The following ROBO1 variants were observed in gnomAD, a reference collection of about 807,000 sequenced individuals.
ROBO1 encodes roundabout guidance receptor 1, also known as roundabout homolog 1.
A neutral mutation model predicts 195.9 loss-of-function variants in ROBO1; 149 were observed. That is an observed-to-expected ratio of 0.76 (90% CI 0.67 to 0.87). ROBO1 has a LOEUF of 0.87. Among genes scored for constraint, ROBO1 ranks in the 40% least tolerant of loss-of-function variants. The pLI is 0.00. For missense variants in ROBO1, 1,933 were observed against 2,068.3 expected (o/e 0.93, Z 1.27); for synonymous variants, 816 against 733.2 (o/e 1.11, Z -1.82).
Position 79,107,125 on chromosome 3 carries a change from T to TCACACA in ROBO1, c.172+18330_172+18331insTGTGTG, listed in dbSNP as rs1392293891. Among the ~76,000 whole-genome samples, 14 of 136,538 alleles carry TCACACA rather than the reference T, an allele frequency of 1.0e-4. No individual in the cohort carries two copies. In the East Asian group the frequency reaches 1.1e-3, roughly 10 times the overall value. The allele number at this position is 136,538 out of a possible 152,430, so 89.6% of individuals were successfully genotyped here. ...CTCTCTTTCTCTCTCTCTCTCTCTCTCTCACACACACACACACACACACAC... is the reference window on the plus strand; with the variant it reads ...CTCTCTTTCTCTCTCTCTCTCTCTCTCACACACTCACACACACACACACACACACAC... On this transcript the variant is annotated intron_variant, in intron 3 of 30. Coordinates refer to ENST00000464233, the MANE Select transcript of ROBO1 (RefSeq NM_002941.4).
chr3:78,808,239 C>T (rs1457679305), intron 4 of ROBO1, among the ~76,000 whole-genome samples: 1 of 152,088 alleles, frequency 6.6e-6, no homozygotes, highest in African/African-American at 2.4e-5. Context: ...GACTCTCGCT[C>T]GATTGCCCAG....
chr3:78,634,051 A>G lies in ROBO1; in HGVS notation c.3374-9T>C. The stretch of plus-strand genomic sequence containing the variant: ...GTCATTTGCTCGATAATCTAGACAT[A>G]TCAGATGAAAAAACAATAAACATTT... On this transcript the variant is annotated splice_polypyrimidine_tract_variant and intron_variant, in intron 23 of 30. Coordinates refer to ENST00000464233, the MANE Select transcript of ROBO1 (RefSeq NM_002941.4). The G allele has an allele frequency of 6.5e-7, 1 of 1,549,690 alleles. No homozygotes were observed. The highest frequency in any genetic ancestry group is 8.9e-7 in the Non-Finnish European group (1 of 1,128,656).
At chr3:79,103,312 G>C (rs1347568598) in intron 3 of ROBO1, among the ~76,000 whole-genome samples, 1 of 151,736 alleles carries the variant, frequency 6.6e-6, no homozygotes, top group Non-Finnish European at 1.5e-5. Flanking sequence ...TGAGCTACTG[G>C]TACATTCGTA....
intron 2 of ROBO1, among the ~76,000 whole-genome samples, chr3:79,575,174 AATAT>A (rs1228385684): frequency 8.3e-6 from 1 of 119,904 alleles, no homozygotes; most frequent in Admixed American, 9.0e-5. Context: ...AATATATATA[AATAT>A]ATATAACATA....
chr3:79,027,681 C>A (rs2078225184), intron 3 of ROBO1, among the ~76,000 whole-genome samples: 1 of 152,024 alleles, frequency 6.6e-6, no homozygotes, highest in Non-Finnish European at 1.5e-5. Context: ...TCTCTGACAT[C>A]CTGGCCACAT....
At chr3:78,947,222 T>A (rs974191301) in intron 3 of ROBO1, among the ~76,000 whole-genome samples, 6 of 152,108 alleles carry the variant, frequency 3.9e-5, no homozygotes, top group African/African-American at 1.2e-4. Flanking sequence ...GAATATACAT[T>A]CTTTTCAGCA....
At chr3:79,294,762 AAAC>A (rs1303885831) in intron 2 of ROBO1, among the ~76,000 whole-genome samples, 1 of 152,188 alleles carries the variant, frequency 6.6e-6, no homozygotes, top group African/African-American at 2.4e-5. Context: ...AGAAAAAAAC[AAAC>A]AACCCCTTCA....
At position 79,480,646 on chromosome 3, in the gene ROBO1, T is replaced by A. The variant is rs138114580; in HGVS notation, c.88+109178A>T. Among the ~76,000 whole-genome samples the A allele has an allele frequency of 1.2e-4, 19 of 152,244 alleles. No homozygotes were observed. In the East Asian group the frequency reaches 3.7e-3, roughly 29 times the overall value. On this transcript the variant is annotated intron_variant, in intron 2 of 30. Coordinates refer to ENST00000464233, the MANE Select transcript of ROBO1 (RefSeq NM_002941.4). ...TGTGTGTGTGTGCCCATGTTGTTGG[T>A]TTAACAAATATAAATTATTAAGATT... is the stretch of plus-strand genomic sequence containing the variant.
chr3:79,322,951 G>A (rs1041096167), intron 2 of ROBO1, among the ~76,000 whole-genome samples: 4 of 152,256 alleles, frequency 2.6e-5, no homozygotes, highest in East Asian at 3.9e-4. Context: ...ACTGGTAAAT[G>A]TATAGGGAAA....
chr3:79,360,057 T>C (rs1383310166), intron 2 of ROBO1, among the ~76,000 whole-genome samples: 1 of 151,982 alleles, frequency 6.6e-6, no homozygotes, highest in Non-Finnish European at 1.5e-5. Flanking sequence ...CTCAAGACAA[T>C]AGCATGAGCG....
chr3:79,548,480 G>C (rs1942355163), intron 2 of ROBO1, among the ~76,000 whole-genome samples: 2 of 152,250 alleles, frequency 1.3e-5, no homozygotes, highest in East Asian at 1.9e-4. Context: ...ACTGATAAGT[G>C]GATTGTAAGG....
At chr3:79,385,855 T>C (rs2106661710) in intron 2 of ROBO1, among the ~76,000 whole-genome samples, 1 of 152,246 alleles carries the variant, frequency 6.6e-6, no homozygotes, top group Non-Finnish European at 1.5e-5. Flanking sequence ...TCAAATGGTA[T>C]AGGCTATAAT....
chr3:78,965,181 C>G (rs981914729), intron 3 of ROBO1, among the ~76,000 whole-genome samples: 4 of 151,854 alleles, frequency 2.6e-5, no homozygotes, highest in African/African-American at 9.7e-5. Context: ...ATAATATATA[C>G]TATATACTTT....
intron 2 of ROBO1, among the ~76,000 whole-genome samples, chr3:79,156,410 C>T (rs2080859036): frequency 6.6e-6 from 1 of 151,584 alleles, no homozygotes; most frequent in Non-Finnish European, 1.5e-5. Context: ...TATTCTGGTA[C>T]CCCTTTCATT....
rs911305488 is a variant in ROBO1, at chr3:78,960,651, G to A, written c.173-21724C>T. Among the ~76,000 whole-genome samples, 11 of 151,990 alleles carry A rather than the reference G, an allele frequency of 7.2e-5. No homozygotes were observed. The South Asian group carries it at 1.9e-3, about 26-fold the overall frequency. ...AAAAGTTAGCTGGTTGTGGTGGCACGTGCCTGTAGTCTCAGTTCCTCGGGA... is the reference window on the plus strand; with the variant it reads ...AAAAGTTAGCTGGTTGTGGTGGCACATGCCTGTAGTCTCAGTTCCTCGGGA... On this transcript the variant is annotated intron_variant, in intron 3 of 30. Transcript: ENST00000464233.
chr3:79,322,857 G>A (rs1287289659), intron 2 of ROBO1, among the ~76,000 whole-genome samples: 1 of 151,974 alleles, frequency 6.6e-6, no homozygotes, highest in African/African-American at 2.4e-5. Context: ...ACTTCCTAAA[G>A]CAAAAACAAA....
chr3:79,597,717 G>A (rs933670955), intron 1 of ROBO1, among the ~76,000 whole-genome samples: 6 of 152,020 alleles, frequency 3.9e-5, no homozygotes, highest in South Asian at 4.1e-4. Context: ...TTTACAAAAT[G>A]AGGCAAGAAA....
chr3:79,528,149 G>A (rs1941511697), intron 2 of ROBO1, among the ~76,000 whole-genome samples: 1 of 152,044 alleles, frequency 6.6e-6, no homozygotes, highest in South Asian at 2.1e-4. Flanking sequence ...TTAATGAAGT[G>A]TAAAAAGCAT....
chr3:78,705,597 G>T (rs1337307849), intron 8 of ROBO1, among the ~76,000 whole-genome samples: 1 of 152,214 alleles, frequency 6.6e-6, no homozygotes, highest in Non-Finnish European at 1.5e-5. Flanking sequence ...ATTTGAGTGG[G>T]TTAGGGGATG....
Sources: gnomAD v4.1 joint callset for allele counts (sites outside exome capture counted in the v4.1 genomes callset) on GRCh38, gnomAD v4.1.1 for gene constraint, MANE v1.5 for transcripts, NCBI Gene and HGNC (gene_info 2026-07-23, HGNC 2026-07-21) for gene names.